Variants in CACNA1E observed in about 807,000 individuals in gnomAD.
The protein encoded by CACNA1E is voltage-dependent R-type calcium channel subunit alpha-1E.
In CACNA1E, 40 loss-of-function variants were observed where a neutral mutation model predicts 259.2. The observed-to-expected ratio is 0.15, with a 90% confidence interval of 0.12 to 0.20. The LOEUF (loss-of-function observed/expected upper bound fraction) is 0.20. CACNA1E is among the 10% of genes least tolerant of loss of function. CACNA1E has a pLI of 1.00. For missense variants in CACNA1E, 1,874 were observed against 3,040.1 expected, an observed-to-expected ratio of 0.62 and a Z score of 9.02; for synonymous variants, 1,104 against 1,138.5, an observed-to-expected ratio of 0.97 and a Z score of 0.61.
At chr1:181,694,551 G>A (rs746064571) in intron 7 of CACNA1E, among the ~76,000 whole-genome samples, 1 of 152,146 alleles carries the variant, frequency 6.6e-6, no homozygotes, top group Non-Finnish European at 1.5e-5. Context: ...ACTTTCCCAT[G>A]CTCTGTTGCA....
Position 181,344,825 on chromosome 1 carries a change from A to T in CACNA1E, c.-15+26702A>T, listed in dbSNP as rs942986826. ...CCTGGGAACCTGAAGTCTTTCTTTT[A>T]ATTACCTGCTGGCAAAGCCCCAGTT... On this transcript the variant is annotated intron_variant, in intron 1 of 11. Coordinates refer to the CACNA1E transcript ENST00000524607. 3.9e-5 allele frequency among the ~76,000 whole-genome samples: 6 copies of T among 152,168 alleles called. 1 individual carries two copies. Among genetic ancestry groups the T allele is most frequent in the Admixed American group, 6.5e-5 (1 of 15,278 alleles).
chr1:181,493,569 T>A (rs1486792958), intron 1 of CACNA1E, among the ~76,000 whole-genome samples: 2 of 152,224 alleles, frequency 1.3e-5, no homozygotes, highest in Non-Finnish European at 2.9e-5. Flanking sequence ...TAAAACAATA[T>A]AGACTCAGTC....
rs770673536 is a variant in CACNA1E at position 181,798,794 on chromosome 1, A to G, written c.6902A>G (p.Asn2301Ser). Residue 2301 changes from asparagine to serine, a missense_variant, in exon 48 of 48, where the codon AAC (asparagine) becomes AGC (serine). Asn to Ser is a conservative substitution (Grantham distance 46). This residue lies in a region of CACNA1E where 542 missense variants were observed against 587.2 expected (regional missense o/e 0.92). Transcript: ENST00000367573. This position sits in a 1 kb window ranked among gnomAD's most constrained non-coding sequence, Gnocchi z 4.2. ...PGPGMMCGAV[N>S]NLLSDTEEDD... ...CCAGGCATGATGTGTGGGGCTGTCAACAACCTGCTAAGTGACACGGAAGAA... is the reference window on the plus strand; with the variant it reads ...CCAGGCATGATGTGTGGGGCTGTCAGCAACCTGCTAAGTGACACGGAAGAA... The G allele has an allele frequency of 6.4e-7, 1 of 1,550,904 alleles. No individual in the cohort carries two copies. Among genetic ancestry groups the G allele is most frequent in the Non-Finnish European group, 8.7e-7 (1 of 1,148,214 alleles).
chr1:181,716,295 T>TA lies in CACNA1E; in HGVS notation c.1315+166_1315+167insA, dbSNP rs1653885505. 3.5e-5 allele frequency among the ~76,000 whole-genome samples: 4 copies of TA among 115,048 alleles called. No individual in the cohort carries two copies. Among genetic ancestry groups the TA allele is most frequent in the Admixed American group, 8.6e-5 (1 of 11,674 alleles). 75.5% of individuals were successfully genotyped at this position (115,048 alleles called of 152,430 possible). ...TCGAATCTAGATTACAATGATTTAT[T>TA]TAAAAAAAAAAAAAAAAGGACCTGG... On this transcript the variant is annotated intron_variant, in intron 10 of 47. Coordinates refer to ENST00000367573, the MANE Select transcript of CACNA1E (RefSeq NM_001205293.3).
chr1:181,773,307 C>A (rs375814659), intron 37 of CACNA1E, among the ~76,000 whole-genome samples: 1 of 152,158 alleles, frequency 6.6e-6, no homozygotes, highest in East Asian at 1.9e-4. Flanking sequence ...GCAGCCCACG[C>A]AGTAGTCTTG....
intron 6 of CACNA1E, among the ~76,000 whole-genome samples, chr1:181,622,285 G>A (rs1030334094): frequency 1.3e-5 from 2 of 152,186 alleles, no homozygotes; most frequent in South Asian, 2.1e-4. Context: ...GTAGAGGGCT[G>A]TTCTTTCACT....
chr1:181,550,302 C>T (rs1419272222), intron 3 of CACNA1E, among the ~76,000 whole-genome samples: 1 of 152,070 alleles, frequency 6.6e-6, no homozygotes, highest in African/African-American at 2.4e-5. Flanking sequence ...ATGAGGGTGG[C>T]TCTGGCTTTG....
In CACNA1E at chr1:181,590,415, A is replaced by AT. The variant is rs1652524943; in HGVS notation, c.951+9639_951+9640insT. On this transcript the variant is annotated intron_variant, in intron 6 of 47. Coordinates refer to ENST00000367573, the MANE Select transcript of CACNA1E (RefSeq NM_001205293.3). ...GGAGTCAATTACAAAAAAAAAAAAAAAATATATATATATATATATATTGTA... is the reference window on the plus strand; with the variant it reads ...GGAGTCAATTACAAAAAAAAAAAAAATAATATATATATATATATATATTGTA... 3.7e-3 allele frequency among the ~76,000 whole-genome samples: 475 copies of AT among 127,100 alleles called. 1 individual carries two copies. Among genetic ancestry groups the AT allele is most frequent in the African/African-American group, 0.012 (387 of 33,434 alleles). The allele number at this position is 127,100 out of a possible 152,430, so 83.4% of individuals were successfully genotyped here.
Position 181,733,396 on chromosome 1 carries a change from C to T in CACNA1E, c.2949-41C>T, listed in dbSNP as rs200647517. On this transcript the variant is annotated intron_variant, in intron 20 of 47. Transcript: ENST00000367573. ...GCCAGGCACACCTGCCATTTGGGGA[C>T]AGCGTCTGAGCACCAGCTCTCTCTT... The T allele has an allele frequency of 5.5e-6, 8 of 1,459,400 alleles. No homozygotes were observed. The East Asian group carries it at 1.9e-4, about 35-fold the overall frequency. The allele number at this position is 1,459,400 out of a possible 1,614,324, so 90.4% of individuals were successfully genotyped here. A position where few individuals can be genotyped will look rare whatever the true frequency, so the allele number is the denominator to read the frequency against.
intron 6 of CACNA1E, among the ~76,000 whole-genome samples, chr1:181,610,007 C>T (rs1426558748): frequency 1.3e-5 from 2 of 152,178 alleles, no homozygotes; most frequent in Non-Finnish European, 2.9e-5. Context: ...GTCTTGTTAT[C>T]CAGTTTTGTG....
At chr1:181,763,288 A>G in intron 33 of CACNA1E, 118 bp from the exon 34 acceptor site, 1 of 875,592 alleles carries the variant, frequency 1.1e-6, no homozygotes, top group South Asian at 1.9e-5. Flanking sequence ...TGGGGTTAAC[A>G]AAGACAGAGA....
chr1:181,767,669 G>A (rs1659143228), intron 35 of CACNA1E, among the ~76,000 whole-genome samples: 1 of 152,110 alleles, frequency 6.6e-6, no homozygotes, highest in Non-Finnish European at 1.5e-5. Flanking sequence ...CTCTATTACT[G>A]GAGAATTTTG....
intron 1 of CACNA1E, among the ~76,000 whole-genome samples, chr1:181,500,463 T>C (rs1572029786): frequency 1.3e-5 from 2 of 152,214 alleles, no homozygotes; most frequent in Non-Finnish European, 2.9e-5. Context: ...ATGCTACACA[T>C]TGGGGCTTTT....
At chr1:181,539,795 C>T (rs939507368) in intron 3 of CACNA1E, among the ~76,000 whole-genome samples, 2 of 152,186 alleles carry the variant, frequency 1.3e-5, no homozygotes, top group Non-Finnish European at 2.9e-5. Context: ...TGTTAAAATT[C>T]ACCTTGTCTC....
At chr1:181,515,938 G>C (rs1322599488) in intron 3 of CACNA1E, among the ~76,000 whole-genome samples, 1 of 152,166 alleles carries the variant, frequency 6.6e-6, no homozygotes, top group Non-Finnish European at 1.5e-5. Context: ...GAAGGCTGGG[G>C]CTGGGGTAAA....
Position 181,483,763 on chromosome 1 carries a change from G to C in CACNA1E, c.19G>C (p.Ala7Pro). 1 of 1,609,368 alleles carries C rather than the reference G, an allele frequency of 6.2e-7. No individual in the cohort carries two copies. Among genetic ancestry groups the C allele is most frequent in the South Asian group, 1.1e-5 (1 of 90,810 alleles). Residue 7 changes from alanine (A) to proline (P), a missense_variant, in exon 1 of 48, where the codon GCG becomes CCG. Physicochemically the swap from Ala to Pro is conservative, Grantham distance 27 (BLOSUM62 -1). This residue lies in a region of CACNA1E where 110 missense variants were observed against 122.8 expected (regional missense o/e 0.90). Transcript: ENST00000367573. MARFGE[A>P]VVARPGSGDG... ...CCTCAGGATGGCTCGCTTCGGGGAG[G>C]CGGTGGTCGCCAGGCCAGGGTCCGG... is the stretch of plus-strand genomic sequence containing the variant.
rs1658296011 is a variant in CACNA1E, at chr1:181,758,577, T to C, written c.4495-181T>C. Among the ~76,000 whole-genome samples the C allele has an allele frequency of 6.6e-6, 1 of 152,282 alleles. No homozygotes were observed. Among genetic ancestry groups the C allele is most frequent in the African/African-American group, 2.4e-5 (1 of 41,558 alleles). ...TGGGGCGTGGGTCTGTGTTTTCCTT[T>C]GTTTTGTTGGGTAGAATATGTGGTT... On this transcript the variant is annotated intron_variant, in intron 31 of 47. Transcript: ENST00000367573. This position sits in a 1 kb window ranked among gnomAD's most constrained non-coding sequence, Gnocchi z 4.2.
chr1:181,460,618 A>G (rs12724035), intron 2 of CACNA1E, among the ~76,000 whole-genome samples: 7,962 of 152,308 alleles, frequency 0.052, 283 homozygotes, highest in Middle Eastern at 0.095. Flanking sequence ...AAACCCATCC[A>G]TGGAGTTCCC....
At chr1:181,563,429 A>G (rs1448019538) in intron 3 of CACNA1E, among the ~76,000 whole-genome samples, 1 of 152,194 alleles carries the variant, frequency 6.6e-6, no homozygotes, top group East Asian at 1.9e-4. Context: ...AGACTGCCCA[A>G]AAAAGGGCCC....
Sources: allele counts gnomAD v4.1 joint callset (sites outside exome capture counted in the v4.1 genomes callset), GRCh38; gene constraint gnomAD v4.1.1; regional missense constraint gnomAD v4.1.1; non-coding constraint Gnocchi (gnomAD v3.1); transcripts MANE v1.5; gene names NCBI Gene and HGNC (gene_info 2026-07-23, HGNC 2026-07-21).